The following ERCC6 variants were observed in gnomAD, a reference collection of about 807,000 sequenced individuals.
ERCC6 encodes the protein ERCC excision repair 6, chromatin remodeling factor.
A neutral mutation model predicts 158.7 loss-of-function variants in ERCC6; 116 were observed. The observed-to-expected ratio is 0.73, with a 90% CI of 0.63 to 0.85. The LOEUF is 0.85. Ranked by LOEUF, ERCC6 falls within the 40% of genes least tolerant of loss-of-function variation. The pLI is 0.00. For missense variants in ERCC6, 1,698 were observed against 1,799.4 expected (o/e 0.94, Z 1.02); for synonymous variants, 678 against 659.3 (o/e 1.03, Z -0.43).
At chr10:49,515,369 T>C (rs144754885) in intron 5 of ERCC6, 20 of 1,613,596 alleles carry the variant, frequency 1.2e-5, no homozygotes, top group Non-Finnish European at 1.7e-5. Flanking sequence ...ACTTCACATG[T>C]AAGGCAACAT....
In ERCC6 at chr10:49,498,497, CG is replaced by C. The variant is rs566690778; in HGVS notation, c.1685+2040del. Among the ~76,000 whole-genome samples, 6 of 152,138 alleles carry C rather than the reference CG, an allele frequency of 3.9e-5. No homozygotes were observed. The East Asian group carries it at 1.2e-3, about 29-fold the overall frequency. ...TCCAGTCCGCCCTGGTACATATGAGCGGGGGGGACCACACTCCTCTGTAAAC... is the reference window on the plus strand; with the variant it reads ...TCCAGTCCGCCCTGGTACATATGAGCGGGGGGACCACACTCCTCTGTAAAC... On this transcript the variant is annotated intron_variant, in intron 7 of 20. Transcript: ENST00000355832.
intron 5 of ERCC6, among the ~76,000 whole-genome samples, chr10:49,520,478 A>G (rs184936332): frequency 1.3e-5 from 2 of 152,314 alleles, no homozygotes; most frequent in East Asian, 1.9e-4. Flanking sequence ...AGACAAAAAC[A>G]TATCTGGAAA....
intron 6 of ERCC6, 182 bp downstream of exon 6, chr10:49,505,702 A>G: frequency 1.5e-6 from 1 of 664,638 alleles, no homozygotes; most frequent in East Asian, 2.7e-5. Flanking sequence ...TAGTCAACTT[A>G]TTATCATCCA....
At chr10:49,515,977 T>C (rs1180885850) in intron 5 of ERCC6, 2 of 1,614,206 alleles carry the variant, frequency 1.2e-6, no homozygotes, top group Admixed American at 1.7e-5. Context: ...ACTCTGTCAA[T>C]GTGATCCTTT....
At chr10:49,495,536 C>T (rs980741280) in intron 7 of ERCC6, among the ~76,000 whole-genome samples, 1 of 152,142 alleles carries the variant, frequency 6.6e-6, no homozygotes, top group Non-Finnish European at 1.5e-5. Context: ...GTCTCCAGCC[C>T]AGATCACTCT....
chr10:49,493,027 AT>A, intron 8 of ERCC6, 89 bp downstream of exon 8: 2 of 1,354,660 alleles, frequency 1.5e-6, no homozygotes, highest in Admixed American at 3.6e-5. Flanking sequence ...AGGAATATAC[AT>A]TTGAGAAACA....
chr10:49,487,560 A>C (rs554727741), intron 8 of ERCC6, among the ~76,000 whole-genome samples: 2 of 151,626 alleles, frequency 1.3e-5, no homozygotes, highest in Admixed American at 1.3e-4. Context: ...GCCCAGAGAA[A>C]AACCATCCAC....
chr10:49,516,280 G>A (rs368470553), intron 5 of ERCC6: 14 of 1,614,090 alleles, frequency 8.7e-6, no homozygotes, highest in African/African-American at 5.3e-5. Flanking sequence ...CACCCGTGAC[G>A]ACCAAAATAA....
chr10:49,473,154 C>T, intron 14 of ERCC6, 126 bp from the exon 15 acceptor site: 2 of 1,238,758 alleles, frequency 1.6e-6, no homozygotes, highest in South Asian at 2.6e-5. Flanking sequence ...TGGTAATGTC[C>T]TAGAGACCTC....
chr10:49,517,154 T>A, intron 5 of ERCC6: 1 of 1,539,406 alleles, frequency 6.5e-7, no homozygotes, highest in Admixed American at 2.0e-5. Flanking sequence ...TTAGTCCTAG[T>A]GGTAGTGGTT....
chr10:49,494,724 G>C (rs531320399), intron 7 of ERCC6, among the ~76,000 whole-genome samples: 9 of 152,314 alleles, frequency 5.9e-5, no homozygotes, highest in African/African-American at 2.2e-4. Flanking sequence ...AACTTTGTAA[G>C]GAAAAATTAC....
At chr10:49,485,156 C>T (rs560943318) in intron 8 of ERCC6, among the ~76,000 whole-genome samples, 31 of 152,334 alleles carry the variant, frequency 2.0e-4, no homozygotes, top group African/African-American at 7.0e-4. Flanking sequence ...ACCACATTCT[C>T]ACCACAGACC....
chr10:49,468,482 CAT>C (rs1414530990), intron 18 of ERCC6, among the ~76,000 whole-genome samples: 1 of 152,212 alleles, frequency 6.6e-6, no homozygotes, highest in African/African-American at 2.4e-5. Flanking sequence ...ACCATTGCTT[CAT>C]ATGTTTTGTC....
intron 4 of ERCC6, chr10:49,525,028 ACT>A (rs1360852787): frequency 3.8e-6 from 3 of 797,798 alleles, no homozygotes; most frequent in African/African-American, 1.7e-5. Context: ...CTATAAATAT[ACT>A]CTCTGCCATC....
At chr10:49,473,937 G>T in intron 13 of ERCC6, 90 bp downstream of exon 13, 2 of 1,197,570 alleles carry the variant, frequency 1.7e-6, no homozygotes, top group Non-Finnish European at 2.5e-6. Flanking sequence ...ACTTGCTTCA[G>T]AATCATTACT....
At chr10:49,435,010 A>T in the ERCC6 span, among the ~76,000 whole-genome samples, 6 of 152,214 alleles carry the variant, frequency 3.9e-5, no homozygotes, top group East Asian at 1.2e-3. Flanking sequence ...ATACTAGGCA[A>T]ATATTAATCA....
the ERCC6 span, among the ~76,000 whole-genome samples, chr10:49,448,125 C>T: frequency 6.6e-6 from 1 of 152,164 alleles, no homozygotes; most frequent in Non-Finnish European, 1.5e-5. Context: ...CTATTTTTCA[C>T]AGTGGTTGCA....
the ERCC6 span, among the ~76,000 whole-genome samples, chr10:49,446,776 T>C: frequency 6.6e-6 from 1 of 152,192 alleles, no homozygotes; most frequent in African/African-American, 2.4e-5. Context: ...ATCGTGCCAC[T>C]GCACTTCAAC....
In ERCC6 at chr10:49,471,902, T is replaced by C. The variant is rs536956921; in HGVS notation, c.2924+474A>G. ...GTTACCACTGTCTAAAATCCCCTAG[T>C]CATTATGGAAAGACAGAGGACGAAA... On this transcript the variant is annotated intron_variant, in intron 16 of 20. Coordinates refer to ENST00000355832, the MANE Select transcript of ERCC6 (RefSeq NM_000124.4). 7.0e-4 allele frequency among the ~76,000 whole-genome samples: 106 copies of C among 152,266 alleles called. No homozygotes were observed. The Middle Eastern group carries it at 0.014, about 20-fold the overall frequency.
Sources: allele counts gnomAD v4.1 joint callset (sites outside exome capture counted in the v4.1 genomes callset), GRCh38; gene constraint gnomAD v4.1.1; transcripts MANE v1.5; gene names NCBI Gene and HGNC (gene_info 2026-07-23, HGNC 2026-07-21).